The following PAK1 variants were observed in gnomAD, a reference collection of about 807,000 sequenced individuals.
PAK1 encodes the protein p21 (RAC1) activated kinase 1.
In PAK1, 29 loss-of-function variants were observed where a neutral mutation model predicts 67.4. That is an observed-to-expected ratio of 0.43 (90% CI 0.32 to 0.59). PAK1 has a LOEUF of 0.59. Among genes scored for constraint, PAK1 ranks in the 20% least tolerant of loss-of-function variants. The pLI, the probability that PAK1 is intolerant of heterozygous loss-of-function variation, is 0.07. For missense variants in PAK1, 337 were observed against 670.7 expected (o/e 0.50, Z 5.50); for synonymous variants, 223 against 237.4 (o/e 0.94, Z 0.56).
chr11:77,403,675 C>T lies in PAK1; in HGVS notation c.-21-11134G>A, dbSNP rs565361718. ...CAAAATTTAACTGGCAAAATCCTAG[C>T]TTTAGGATAGTTGAACTCAACTTTC... On this transcript the variant is annotated intron_variant, in intron 1 of 14. Coordinates refer to ENST00000356341, the MANE Select transcript of PAK1 (RefSeq NM_002576.5). Among the ~76,000 whole-genome samples the T allele has an allele frequency of 5.4e-4, 82 of 152,276 alleles. 1 individual carries two copies. The highest frequency in any genetic ancestry group is 1.0e-3 in the Non-Finnish European group (69 of 68,014).
the PAK1 span, among the ~76,000 whole-genome samples, chr11:77,499,154 G>A: frequency 6.7e-6 from 1 of 150,078 alleles, no homozygotes; most frequent in Non-Finnish European, 1.5e-5. Flanking sequence ...AAAAAGAGAA[G>A]GATAATTTTT....
At chr11:77,525,182 C>CAAAA in the PAK1 span, among the ~76,000 whole-genome samples, 158 of 107,102 alleles carry the variant, frequency 1.5e-3, 1 homozygote, top group African/African-American at 3.3e-3. Flanking sequence ...CCACCCCTAT[C>CAAAA]AAAAAAAAAA....
intron 1 of PAK1, among the ~76,000 whole-genome samples, chr11:77,469,290 T>C (rs1957741610): frequency 6.6e-6 from 1 of 152,156 alleles, no homozygotes. Flanking sequence ...TCACCTATGA[T>C]ACAGAGATAC....
the PAK1 span, among the ~76,000 whole-genome samples, chr11:77,485,878 C>T: frequency 6.6e-6 from 1 of 152,200 alleles, no homozygotes; most frequent in Non-Finnish European, 1.5e-5. Context: ...TCTCGAACAT[C>T]GGTAGTTCCG....
At chr11:77,386,214 C>CT (rs1950432255) in intron 2 of PAK1, among the ~76,000 whole-genome samples, 1 of 152,112 alleles carries the variant, frequency 6.6e-6, no homozygotes, top group Non-Finnish European at 1.5e-5. Flanking sequence ...AATCACTGGC[C>CT]TTTTTTAAAA....
At chr11:77,328,328 A>G (rs1940563026) in intron 14 of PAK1, among the ~76,000 whole-genome samples, 1 of 152,232 alleles carries the variant, frequency 6.6e-6, no homozygotes, top group Non-Finnish European at 1.5e-5. Context: ...TCAACAGAAT[A>G]TACATTCTTT....
intron 2 of PAK1, among the ~76,000 whole-genome samples, chr11:77,388,712 T>C (rs989201259): frequency 6.6e-6 from 1 of 152,198 alleles, no homozygotes; most frequent in Non-Finnish European, 1.5e-5. Flanking sequence ...TCTCCTTTTC[T>C]AGATGAAGGC....
chr11:77,353,258 A>G (rs766611361), intron 8 of PAK1: 18 of 340,982 alleles, frequency 5.3e-5, no homozygotes, highest in Non-Finnish European at 8.0e-5. Flanking sequence ...CAGAGTTGTA[A>G]TTTGGGAAGT....
Position 77,399,598 on chromosome 11 carries a change from G to A in PAK1, c.-21-7057C>T, listed in dbSNP as rs539365956. Among the ~76,000 whole-genome samples the A allele has an allele frequency of 1.8e-4, 27 of 152,110 alleles. No homozygotes were observed. The South Asian group carries it at 3.5e-3, about 20-fold the overall frequency. ...AGATTGGCCGGGCGCGGTGGCTCAC[G>A]CCTGTAATCCCAGCACTTTGGGAGG... On this transcript the variant is annotated intron_variant, in intron 1 of 14. Transcript: ENST00000356341.
intron 1 of PAK1, among the ~76,000 whole-genome samples, chr11:77,421,291 A>G (rs1483194097): frequency 6.6e-6 from 1 of 152,210 alleles, no homozygotes; most frequent in African/African-American, 2.4e-5. Flanking sequence ...CTATGCCTGA[A>G]AACACATTTC....
intron 1 of PAK1, among the ~76,000 whole-genome samples, chr11:77,445,926 A>G (rs1406062326): frequency 6.6e-6 from 1 of 152,172 alleles, no homozygotes; most frequent in East Asian, 1.9e-4. Context: ...CCCCCACTAT[A>G]CAATAAGCAC....
In PAK1 at chr11:77,434,312, CATAG is replaced by C. The variant is rs1317356390; in HGVS notation, c.-22+39236_-22+39239del. 9.9e-5 allele frequency among the ~76,000 whole-genome samples: 15 copies of C among 152,090 alleles called. 1 individual carries two copies. Among genetic ancestry groups the C allele is most frequent in the Admixed American group, 7.9e-4 (12 of 15,278 alleles). ...CAGAATTCAGCAGTAAATACAATTACATAGATAAACAGAATTCCATACAATAGAA... is the reference window on the plus strand; with the variant it reads ...CAGAATTCAGCAGTAAATACAATTACATAAACAGAATTCCATACAATAGAA... On this transcript the variant is annotated intron_variant, in intron 1 of 14. Transcript: ENST00000356341.
intron 13 of PAK1, among the ~76,000 whole-genome samples, chr11:77,334,588 A>T (rs1462745685): frequency 6.6e-6 from 1 of 152,214 alleles, no homozygotes; most frequent in Non-Finnish European, 1.5e-5. Flanking sequence ...GTTACAAGGG[A>T]TAAATTGTCC....
chr11:77,355,868 C>T (rs1429240609), intron 6 of PAK1, 26 bp from the exon 7 acceptor site: 11 of 1,573,750 alleles, frequency 7.0e-6, no homozygotes, highest in Non-Finnish European at 9.6e-6. Flanking sequence ...AAAATTTTGG[C>T]AAGACCAGCC....
At chr11:77,349,444 C>A in intron 8 of PAK1, 157 bp from the exon 9 acceptor site, 1 of 667,388 alleles carries the variant, frequency 1.5e-6, no homozygotes, top group Non-Finnish European at 2.7e-6. Context: ...ATTTAAGAAG[C>A]TATAAGAGGT....
chr11:77,401,668 C>T (rs1217500720), intron 1 of PAK1, among the ~76,000 whole-genome samples: 7 of 152,112 alleles, frequency 4.6e-5, no homozygotes, highest in Non-Finnish European at 1.0e-4. Flanking sequence ...GCCTAAAATG[C>T]CCCAACTTGT....
intron 1 of PAK1, among the ~76,000 whole-genome samples, chr11:77,410,016 C>A (rs1592353697): frequency 6.6e-6 from 1 of 152,104 alleles, no homozygotes; most frequent in Non-Finnish European, 1.5e-5. Context: ...ACACAAATAA[C>A]CACTATCTTG....
the PAK1 span, among the ~76,000 whole-genome samples, chr11:77,524,348 C>G: frequency 2.0e-5 from 3 of 152,184 alleles, no homozygotes; most frequent in Non-Finnish European, 4.4e-5. Context: ...CAGAACATGC[C>G]CCCTGGAGTG....
At chr11:77,384,913 T>A (rs569614158) in intron 2 of PAK1, among the ~76,000 whole-genome samples, 61 of 151,820 alleles carry the variant, frequency 4.0e-4, no homozygotes, top group Admixed American at 3.0e-3. Flanking sequence ...CTCAATTTTT[T>A]AAAAAAAAGT....
Sources: gnomAD v4.1 joint callset for allele counts (sites outside exome capture counted in the v4.1 genomes callset) on GRCh38, gnomAD v4.1.1 for gene constraint, MANE v1.5 for transcripts, NCBI Gene and HGNC (gene_info 2026-07-23, HGNC 2026-07-21) for gene names.